CFD: variants seen among roughly 807,000 people sequenced by gnomAD.
CFD encodes the protein C3 convertase activator.
A neutral mutation model predicts 21.1 loss-of-function variants in CFD; 24 were observed. The ratio of observed to expected loss-of-function variants is 1.14; its 90% CI spans 0.82 to 1.60. CFD has a LOEUF of 1.60. CFD is among the 40% of genes most tolerant of loss of function. The pLI is 0.00. For synonymous variants in CFD, 242 were observed against 175.9 expected, an observed-to-expected ratio of 1.38 and a Z score of -2.97; for missense variants, 535 against 383.3, an observed-to-expected ratio of 1.40 and a Z score of -3.31.
Position 863,586 on chromosome 19 carries a change from A to C in CFD, c.*348A>C. ...CACTGCCCTCCAGCCTGGGCAACAG[A>C]GTGAAACCTTGTCTCTCTCTACAAA... On this transcript the variant is annotated 3_prime_UTR_variant, in exon 5 of 5. Transcript: ENST00000327726. The C allele has an allele frequency of 8.0e-6, 2 of 248,564 alleles. No individual in the cohort carries two copies. The highest frequency in any genetic ancestry group is 1.6e-5 in the Non-Finnish European group (2 of 128,338). The allele number at this position is 248,564 out of a possible 1,614,324, so 15.4% of individuals were successfully genotyped here. A position where few individuals can be genotyped will look rare whatever the true frequency, so the allele number is the denominator to read the frequency against.
chr19:860,944 G>T lies in CFD; in HGVS notation c.296G>T (p.Arg99Leu), dbSNP rs780942003. The change falls in exon 3 of 5, where the codon CGC (arginine) becomes CTC (leucine). Residue 99 changes from arginine to leucine, a missense_variant. Physicochemically the swap from Arg to Leu is moderately radical, Grantham distance 102 (BLOSUM62 -2). Coordinates refer to ENST00000327726, the MANE Select transcript of CFD (RefSeq NM_001928.4). ...TCCAAGCGCCTGTACGACGTGCTCC[G>T]CGCAGTGCCCCACCCGGACAGCCAG... ...EPSKRLYDVLRAVPHPDSQPD... is the reference protein window; with the variant it reads ...EPSKRLYDVLLAVPHPDSQPD... 6.2e-7 allele frequency: 1 copy of T among 1,601,208 alleles called. No individual in the cohort carries two copies. Among genetic ancestry groups the T allele is most frequent in the Non-Finnish European group, 8.5e-7 (1 of 1,179,392 alleles).
In CFD at chr19:863,074, C is replaced by A; in HGVS notation, c.616-18C>A. 1 of 1,513,792 alleles carries A rather than the reference C, an allele frequency of 6.6e-7. No homozygotes were observed. 93.8% of individuals were successfully genotyped at this position (1,513,792 alleles called of 1,614,324 possible). Reference sequence around the variant, plus strand: ...GTGGGCGCGGGCCGCCCCTCACGGCCCCGTCCTGTTCCGGCAGGGTGACTC... The same window carrying A: ...GTGGGCGCGGGCCGCCCCTCACGGCACCGTCCTGTTCCGGCAGGGTGACTC... On this transcript the variant is annotated intron_variant, in intron 4 of 4. Coordinates refer to ENST00000327726, the MANE Select transcript of CFD (RefSeq NM_001928.4).
chr19:863,025 G>C (rs1280730505), intron 4 of CFD, 67 bp from the exon 5 acceptor site: 2 of 1,428,276 alleles, frequency 1.4e-6, no homozygotes, highest in South Asian at 1.4e-5. Flanking sequence ...AGCCAGGTGA[G>C]GGGGTCTAAC....
chr19:861,169 T>C (rs1470117302), intron 3 of CFD, among the ~76,000 whole-genome samples, 164 bp downstream of exon 3: 1 of 86,482 alleles, frequency 1.2e-5, no homozygotes, highest in Non-Finnish European at 2.3e-5. Flanking sequence ...AGCCTCGACC[T>C]CTCTTGCTGC....
At chr19:862,695 TGAG>T (rs1435123808) in intron 4 of CFD, among the ~76,000 whole-genome samples, 2 of 151,500 alleles carry the variant, frequency 1.3e-5, no homozygotes, top group Non-Finnish European at 2.9e-5. Flanking sequence ...GGGCGTGGCC[TGAG>T]GTGAGTGGGG....
At chr19:861,071 C>G in intron 3 of CFD, 66 bp downstream of exon 3, 1 of 1,519,262 alleles carries the variant, frequency 6.6e-7, no homozygotes, top group Non-Finnish European at 8.9e-7. Context: ...CACTCCACCC[C>G]GCCTACACCG....
Position 861,874 on chromosome 19 carries a change from C to T in CFD, c.533C>T (p.Thr178Ile), listed in dbSNP as rs752612390. 19 of 1,593,040 alleles carry T rather than the reference C, an allele frequency of 1.2e-5. 1 individual carries two copies. The Admixed American group carries it at 2.5e-4, about 21-fold the overall frequency. ...HVLLPVLDRATCNRRTHHDGA... is the reference protein window; with the variant it reads ...HVLLPVLDRAICNRRTHHDGA... ...CTCTTGCCAGTGCTGGACCGCGCCACCTGCAACCGGCGCACGCACCACGAC... is the reference window on the plus strand; with the variant it reads ...CTCTTGCCAGTGCTGGACCGCGCCATCTGCAACCGGCGCACGCACCACGAC... Residue 178 changes from threonine (T) to isoleucine (I), a missense_variant, in exon 4 of 5, where the codon ACC (threonine) becomes ATC (isoleucine). By Grantham distance (89) the Thr-to-Ile change is moderately conservative. Transcript: ENST00000327726.
At chr19:862,057 G>A in intron 4 of CFD, 101 bp downstream of exon 4, 1 of 1,338,380 alleles carries the variant, frequency 7.5e-7, no homozygotes, top group Non-Finnish European at 9.8e-7. Context: ...AGGGCCCAGG[G>A]AAGGGGCGGG....
Position 860,680 on chromosome 19 carries a change from T to A in CFD, c.119T>A (p.Met40Lys). 3 of 1,538,556 alleles carry A rather than the reference T, an allele frequency of 1.9e-6. No individual in the cohort carries two copies. The highest frequency in any genetic ancestry group is 2.6e-6 in the Non-Finnish European group (3 of 1,152,390). Residue 40 changes from methionine to lysine, a missense_variant, in exon 2 of 5, where the codon ATG (methionine) becomes AAG (lysine). Physicochemically the swap from Met to Lys is moderately conservative, Grantham distance 95. Transcript: ENST00000327726. ...REAEAHARPYMASVQLNGAHL... is the reference protein window; with the variant it reads ...REAEAHARPYKASVQLNGAHL... ...GCCGAGGCGCACGCGCGGCCCTACA[T>A]GGCGTCGGTGCAGCTGAACGGCGCG...
intron 3 of CFD, among the ~76,000 whole-genome samples, chr19:861,419 G>C (rs1362802543): frequency 1.0e-5 from 1 of 98,916 alleles, no homozygotes; most frequent in African/African-American, 4.0e-5. Flanking sequence ...GTCTAGCCTC[G>C]ACCTCTGCGG....
In CFD at chr19:861,548, C is replaced by G. The variant is rs1212098299; in HGVS notation, c.358-151C>G. ...ACCCCATCCCCACCTGCACCCCCAC[C>G]CAGGGTCTAGCCTAAATCTCTCCTG... On this transcript the variant is annotated intron_variant, in intron 3 of 4. Coordinates refer to ENST00000327726, the MANE Select transcript of CFD (RefSeq NM_001928.4). 6 of 942,706 alleles carry G rather than the reference C, an allele frequency of 6.4e-6. No individual in the cohort carries two copies. The East Asian group carries it at 1.3e-4, about 21-fold the overall frequency. The allele number at this position is 942,706 out of a possible 1,614,324, so 58.4% of individuals were successfully genotyped here. A position where few individuals can be genotyped will look rare whatever the true frequency, so the allele number is the denominator to read the frequency against.
rs374444350 is a variant in CFD, at chr19:860,598, C to G, written c.56-19C>G. The G allele has an allele frequency of 7.1e-7, 1 of 1,414,874 alleles. No individual in the cohort carries two copies. The highest frequency in any genetic ancestry group is 1.5e-5 in the African/African-American group (1 of 66,166). 87.6% of individuals were successfully genotyped at this position (1,414,874 alleles called of 1,614,324 possible). On this transcript the variant is annotated intron_variant, in intron 1 of 4. Transcript: ENST00000327726. ...GGAGGAGTCCACCCCGCGGCCCTCA[C>G]GCGCCCGCCCACCCACAGCGGCGCC...
chr19:860,612 C>A lies in CFD; in HGVS notation c.56-5C>A, dbSNP rs1414550562. The stretch of plus-strand genomic sequence containing the variant: ...CGCGGCCCTCACGCGCCCGCCCACC[C>A]ACAGCGGCGCCGCCCCGTGGTCGGA... On this transcript the variant is annotated splice_region_variant and splice_polypyrimidine_tract_variant and intron_variant, in intron 1 of 4. Transcript: ENST00000327726. The A allele has an allele frequency of 2.8e-6, 4 of 1,438,832 alleles. No individual in the cohort carries two copies. The highest frequency in any genetic ancestry group is 2.8e-5 in the Admixed American group (1 of 35,566). The allele number at this position is 1,438,832 out of a possible 1,614,324, so 89.1% of individuals were successfully genotyped here.
In CFD at chr19:862,999, G is replaced by C. The variant is rs1185173610; in HGVS notation, c.616-93G>C. ...AACACGGGAGGGATGAGCGAGCATTGTGGGGCGGGAGCGGCAGCCAGGTGA... is the reference window on the plus strand; with the variant it reads ...AACACGGGAGGGATGAGCGAGCATTCTGGGGCGGGAGCGGCAGCCAGGTGA... On this transcript the variant is annotated intron_variant, in intron 4 of 4. Coordinates refer to ENST00000327726, the MANE Select transcript of CFD (RefSeq NM_001928.4). The C allele has an allele frequency of 3.2e-6, 4 of 1,249,350 alleles. No individual in the cohort carries two copies. In the African/African-American group the frequency reaches 6.0e-5, roughly 19 times the overall value. 77.4% of individuals were successfully genotyped at this position (1,249,350 alleles called of 1,614,324 possible).
At position 863,513 on chromosome 19, in the gene CFD, G is replaced by A. The variant is rs556963987; in HGVS notation, c.*275G>A. On this transcript the variant is annotated 3_prime_UTR_variant, in exon 5 of 5. Transcript: ENST00000327726. ...GCTACTCAGGAGGCTGAGGTGGGAG[G>A]ATGACTTGAACGCAGGAGGCTGAGG... is the stretch of plus-strand genomic sequence containing the variant. 7 of 512,440 alleles carry A rather than the reference G, an allele frequency of 1.4e-5. No homozygotes were observed. The highest frequency in any genetic ancestry group is 2.5e-5 in the Non-Finnish European group (7 of 280,834). The allele number at this position is 512,440 out of a possible 1,614,324, so 31.7% of individuals were successfully genotyped here.
chr19:863,377 T>C lies in CFD; in HGVS notation c.*139T>C, dbSNP rs1420534128. ...AGGCCGAGGTGGGAGGATCATTGGATCTCAGGAGTTCGAGATCAGCATGGG... is the reference window on the plus strand; with the variant it reads ...AGGCCGAGGTGGGAGGATCATTGGACCTCAGGAGTTCGAGATCAGCATGGG... On this transcript the variant is annotated 3_prime_UTR_variant, in exon 5 of 5. Transcript: ENST00000327726. The C allele has an allele frequency of 1.9e-6, 2 of 1,035,424 alleles. No homozygotes were observed. Among genetic ancestry groups the C allele is most frequent in the East Asian group, 2.6e-5 (1 of 37,870 alleles). The allele number at this position is 1,035,424 out of a possible 1,614,324, so 64.1% of individuals were successfully genotyped here. A position where few individuals can be genotyped will look rare whatever the true frequency, so the allele number is the denominator to read the frequency against.
Position 860,741 on chromosome 19 carries a change from G to A in CFD, c.180G>A (p.Trp60Ter), listed in dbSNP as rs1295526231. The A allele has an allele frequency of 9.6e-6, 15 of 1,567,806 alleles. No homozygotes were observed. The highest frequency in any genetic ancestry group is 1.3e-5 in the Non-Finnish European group (15 of 1,166,242). Reference sequence around the variant, plus strand: ...GCGGCGTCCTGGTGGCGGAGCAGTGGGTGCTGAGCGCGGCGCACTGCCTGG... The same window carrying A: ...GCGGCGTCCTGGTGGCGGAGCAGTGAGTGCTGAGCGCGGCGCACTGCCTGG... ...LCGGVLVAEQ[W>*]VLSAAHCLED... Residue 60 changes from tryptophan to a stop codon, truncating the protein, a stop_gained, in exon 2 of 5, where the codon TGG becomes TGA. Transcript: ENST00000327726. LOFTEE classifies it high-confidence loss of function.
chr19:861,747 C>A lies in CFD; in HGVS notation c.406C>A (p.Gln136Lys), dbSNP rs2145163186. 3 of 1,605,422 alleles carry A rather than the reference C, an allele frequency of 1.9e-6. No homozygotes were observed. The East Asian group carries it at 6.7e-5, about 36-fold the overall frequency. Residue 136 changes from glutamine to lysine, a missense_variant, in exon 4 of 5, where the codon CAG becomes AAG. Coordinates refer to ENST00000327726, the MANE Select transcript of CFD (RefSeq NM_001928.4). ...LGPAVRPLPW[Q>K]RVDRDVAPGT... The stretch of plus-strand genomic sequence containing the variant: ...CCCTGCTGTGCGCCCCCTGCCCTGG[C>A]AGCGCGTGGACCGCGACGTGGCACC...
At position 861,467 on chromosome 19, in the gene CFD, T is replaced by A. The variant is rs1246199935; in HGVS notation, c.358-232T>A. On this transcript the variant is annotated intron_variant, in intron 3 of 4. Transcript: ENST00000327726. The stretch of plus-strand genomic sequence containing the variant: ...CCCCCCACCCCCCGCTCCCCCTGCA[T>A]CCCCATCCCGGTTCCAGCCTCGACC... Among the ~76,000 whole-genome samples, 3 of 53,284 alleles carry A rather than the reference T, an allele frequency of 5.6e-5. No homozygotes were observed. In the Admixed American group the frequency reaches 6.7e-4, roughly 12 times the overall value. 35.0% of individuals were successfully genotyped at this position (53,284 alleles called of 152,430 possible).
Sources: gnomAD v4.1 joint callset for allele counts (sites outside exome capture counted in the v4.1 genomes callset) on GRCh38, gnomAD v4.1.1 for gene constraint, MANE v1.5 for transcripts, NCBI Gene and HGNC (gene_info 2026-07-23, HGNC 2026-07-21) for gene names.